The following CCNY variants were observed in gnomAD, a reference collection of about 807,000 sequenced individuals.
CCNY encodes cyclin-Y.
CCNY carries 19 observed loss-of-function variants against 42.8 expected under a neutral mutation model. The ratio of observed to expected loss-of-function variants is 0.44; its 90% CI spans 0.31 to 0.65. The LOEUF (loss-of-function observed/expected upper bound fraction) is 0.65. CCNY is among the 30% of genes least tolerant of loss of function. CCNY has a pLI of 0.07. For missense variants in CCNY, 370 were observed against 437.3 expected (o/e 0.85, Z 1.37); for synonymous variants, 165 against 162.7 (o/e 1.01, Z -0.11).
At chr10:35,437,640 C>T (rs773071297) in intron 1 of CCNY, among the ~76,000 whole-genome samples, 2 of 151,658 alleles carry the variant, frequency 1.3e-5, no homozygotes, top group South Asian at 4.2e-4. Flanking sequence ...CTAGCCTGGG[C>T]GACAGAGCCA....
At chr10:35,368,834 T>C (rs766434772) in intron 1 of CCNY, among the ~76,000 whole-genome samples, 1 of 147,680 alleles carries the variant, frequency 6.8e-6, no homozygotes. Context: ...TTCCTTTTCC[T>C]TGGCTTTTCT....
intron 1 of CCNY, among the ~76,000 whole-genome samples, chr10:35,382,640 C>A (rs917692900): frequency 6.6e-6 from 1 of 152,094 alleles, no homozygotes; most frequent in Admixed American, 6.5e-5. Context: ...GCCCCTCTAC[C>A]CCTCCAGTAA....
rs891343133 is a variant in CCNY, at chr10:35,571,197, G to A, written c.*2027G>A. On this transcript the variant is annotated 3_prime_UTR_variant, in exon 10 of 10. Transcript: ENST00000374704. ...CAATCCATTTCAGGAAAGAGGTTCTGCTGCCGTAAAGGCAGAAATTTTATT... is the reference window on the plus strand; with the variant it reads ...CAATCCATTTCAGGAAAGAGGTTCTACTGCCGTAAAGGCAGAAATTTTATT... 1 of 152,222 alleles carries A rather than the reference G, an allele frequency of 6.6e-6. No individual in the cohort carries two copies. Among genetic ancestry groups the A allele is most frequent in the African/African-American group, 2.4e-5 (1 of 41,468 alleles). 9.4% of individuals were successfully genotyped at this position (152,222 alleles called of 1,614,324 possible).
intron 1 of CCNY, among the ~76,000 whole-genome samples, chr10:35,419,809 A>T (rs1014977354): frequency 1.3e-5 from 2 of 151,974 alleles, no homozygotes; most frequent in Admixed American, 1.3e-4. Context: ...TTAGGTTTTG[A>T]TACTTTTAGG....
At chr10:35,564,573 C>A (rs1463693345) in intron 8 of CCNY, among the ~76,000 whole-genome samples, 1 of 152,180 alleles carries the variant, frequency 6.6e-6, no homozygotes, top group African/African-American at 2.4e-5. Context: ...GAGGCTCAGA[C>A]CCAGACCCTC....
intron 3 of CCNY, among the ~76,000 whole-genome samples, chr10:35,259,672 G>GTTT (rs1202854456): frequency 7.1e-4 from 61 of 86,262 alleles, no homozygotes; most frequent in Non-Finnish European, 7.6e-4. Flanking sequence ...CTGGCTAATT[G>GTTT]TTTTTTTTTT....
intron 3 of CCNY, among the ~76,000 whole-genome samples, chr10:35,254,875 G>A (rs1037738055): frequency 8.0e-6 from 1 of 125,192 alleles, no homozygotes; most frequent in African/African-American, 3.3e-5. Context: ...AAAAAAAAAG[G>A]TGTGTTGTTT....
chr10:35,446,242 T>G (rs915582833), intron 1 of CCNY, among the ~76,000 whole-genome samples: 2 of 152,188 alleles, frequency 1.3e-5, no homozygotes, highest in Non-Finnish European at 2.9e-5. Flanking sequence ...TAGTACTAAA[T>G]GTTCGATTCC....
At chr10:35,367,100 G>C (rs963705268) in intron 1 of CCNY, among the ~76,000 whole-genome samples, 1 of 152,114 alleles carries the variant, frequency 6.6e-6, no homozygotes, top group Non-Finnish European at 1.5e-5. Flanking sequence ...CCTTGCTTTT[G>C]GGTTGCCTTT....
intron 2 of CCNY, among the ~76,000 whole-genome samples, chr10:35,487,154 C>T (rs1056279749): frequency 1.3e-5 from 2 of 152,214 alleles, no homozygotes; most frequent in African/African-American, 4.8e-5. Flanking sequence ...CTTGGATAAA[C>T]TTATATTTCC....
intron 3 of CCNY, among the ~76,000 whole-genome samples, chr10:35,289,873 T>C (rs1271062278): frequency 7.7e-6 from 1 of 129,528 alleles, no homozygotes; most frequent in Non-Finnish European, 1.7e-5. Context: ...AGTGAGACTC[T>C]GTCTCAAAAA....
chr10:35,473,483 C>T (rs1181063919), intron 1 of CCNY, among the ~76,000 whole-genome samples: 11 of 152,062 alleles, frequency 7.2e-5, no homozygotes, highest in Admixed American at 5.2e-4. Flanking sequence ...GCTCTCTGCA[C>T]GCTGCAAAGG....
At chr10:35,269,845 G>C (rs935020929) in intron 3 of CCNY, among the ~76,000 whole-genome samples, 6 of 151,890 alleles carry the variant, frequency 4.0e-5, no homozygotes, top group African/African-American at 1.5e-4. Flanking sequence ...GGCCAGGCTG[G>C]ACTTGAACTC....
intron 5 of CCNY, 21 bp downstream of exon 5, chr10:35,526,020 TA>T (rs761243066): frequency 6.3e-7 from 1 of 1,599,226 alleles, no homozygotes; most frequent in South Asian, 1.1e-5. Context: ...GGTTGTGTGC[TA>T]AAAACATCAT....
rs531592316 is a variant in CCNY, at chr10:35,356,800, T to TA, written c.154+19594dup. The stretch of plus-strand genomic sequence containing the variant: ...CCATTCTCTTAAAACTATTCTTTCT[T>TA]ATAATCCTCTCTCTCTCTCCTTAAC... On this transcript the variant is annotated intron_variant, in intron 1 of 9. Coordinates refer to ENST00000374704, the MANE Select transcript of CCNY (RefSeq NM_145012.6). Among the ~76,000 whole-genome samples the TA allele has an allele frequency of 4.9e-4, 74 of 152,290 alleles. No homozygotes were observed. The East Asian group carries it at 0.013, about 26-fold the overall frequency.
chr10:35,401,388 G>A (rs745340692), intron 1 of CCNY, among the ~76,000 whole-genome samples: 7 of 152,192 alleles, frequency 4.6e-5, no homozygotes, highest in Admixed American at 1.3e-4. Context: ...ATCTGCAGGA[G>A]GATCACAAAA....
intron 1 of CCNY, among the ~76,000 whole-genome samples, chr10:35,342,223 C>G (rs1382948967): frequency 6.6e-6 from 1 of 152,200 alleles, no homozygotes; most frequent in Non-Finnish European, 1.5e-5. Flanking sequence ...GCATATTGCT[C>G]TTGGCTTCCT....
intron 1 of CCNY, among the ~76,000 whole-genome samples, chr10:35,439,026 C>T (rs1223070366): frequency 6.6e-6 from 1 of 152,202 alleles, no homozygotes. Flanking sequence ...AATCAGCTGT[C>T]ATTCAAATTG....
chr10:35,342,340 C>G (rs929283918), intron 1 of CCNY, among the ~76,000 whole-genome samples: 7 of 152,238 alleles, frequency 4.6e-5, no homozygotes, highest in Non-Finnish European at 8.8e-5. Flanking sequence ...CGTGGACTTT[C>G]TTTCCAGGCT....
Sources: gnomAD v4.1 joint callset for allele counts (sites outside exome capture counted in the v4.1 genomes callset) on GRCh38, gnomAD v4.1.1 for gene constraint, MANE v1.5 for transcripts, NCBI Gene and HGNC (gene_info 2026-07-23, HGNC 2026-07-21) for gene names.